Variants in TMEM50B observed in about 807,000 individuals in gnomAD.
TMEM50B encodes the protein transmembrane protein 50B, also known as HCV p7-trans-regulated protein 3.
In TMEM50B, 14 loss-of-function variants were observed where a neutral mutation model predicts 23.4. The ratio of observed to expected loss-of-function variants is 0.60; its 90% CI spans 0.39 to 0.93. TMEM50B has a LOEUF of 0.93. Among genes scored for constraint, TMEM50B ranks in the 40% least tolerant of loss-of-function variants. The pLI is 0.00. For synonymous variants in TMEM50B, 64 were observed against 62.3 expected (o/e 1.03, Z -0.13); for missense variants, 159 against 193.0 (o/e 0.82, Z 1.04).
intron 6 of TMEM50B, among the ~76,000 whole-genome samples, chr21:33,454,862 A>C (rs1032662102): frequency 1.3e-5 from 2 of 152,126 alleles, no homozygotes; most frequent in Admixed American, 1.3e-4. Context: ...GGTGGCTATA[A>C]TCCCAGCACT....
chr21:33,468,936 G>C lies in TMEM50B; in HGVS notation c.-41-10C>G. The C allele has an allele frequency of 2.1e-6, 3 of 1,414,120 alleles. No homozygotes were observed. Among genetic ancestry groups the C allele is most frequent in the Non-Finnish European group, 3.0e-6 (3 of 1,012,064 alleles). 87.6% of individuals were successfully genotyped at this position (1,414,120 alleles called of 1,614,324 possible). On this transcript the variant is annotated splice_polypyrimidine_tract_variant and intron_variant, in intron 1 of 6. Coordinates refer to ENST00000542230, the MANE Select transcript of TMEM50B (RefSeq NM_006134.7). ...CATTAAATGCTGTATCCTACAAACA[G>C]AAAGACAAAAACTAATCAACCTAAG...
At position 33,449,341 on chromosome 21, in the gene TMEM50B, C is replaced by T. The variant is rs869051478; in HGVS notation, c.*1477G>A. ...ATACTCTGTGCACAAGAAATCCTCT[C>T]AAGAGAGAGGAGAGGAGTGATGCCA... is the stretch of plus-strand genomic sequence containing the variant. On this transcript the variant is annotated 3_prime_UTR_variant, in exon 7 of 7. Coordinates refer to ENST00000542230, the MANE Select transcript of TMEM50B (RefSeq NM_006134.7). 1 of 152,578 alleles carries T rather than the reference C, an allele frequency of 6.6e-6. No homozygotes were observed. Among genetic ancestry groups the T allele is most frequent in the African/African-American group, 2.4e-5 (1 of 41,564 alleles). 9.5% of individuals were successfully genotyped at this position (152,578 alleles called of 1,614,324 possible).
At chr21:33,476,674 T>C (rs367566924) in intron 1 of TMEM50B, among the ~76,000 whole-genome samples, 2 of 136,994 alleles carry the variant, frequency 1.5e-5, no homozygotes, top group East Asian at 4.7e-4. Flanking sequence ...GGCAGGAGAA[T>C]GGTGTGAACC....
At chr21:33,479,304 A>G (rs1160926348) in intron 1 of TMEM50B, 1 of 153,698 alleles carries the variant, frequency 6.5e-6, no homozygotes, top group Non-Finnish European at 1.4e-5. Flanking sequence ...CCGCCTCTGT[A>G]CTTGACTCTC....
At chr21:33,446,737 G>A (rs993457130), downstream of TMEM50B, among the ~76,000 whole-genome samples, 4 of 150,200 alleles carry the variant, frequency 2.7e-5, no homozygotes, top group Admixed American at 2.7e-4. Flanking sequence ...AGCCTAGTGT[G>A]GTGATTTGCA....
Position 33,449,196 on chromosome 21 carries a change from T to C in TMEM50B, c.*1622A>G, listed in dbSNP as rs879464523. On this transcript the variant is annotated 3_prime_UTR_variant, in exon 7 of 7. Coordinates refer to ENST00000542230, the MANE Select transcript of TMEM50B (RefSeq NM_006134.7). ...TTATGAGGTGGAAACAAATAATTAG[T>C]CTTACAATTTGCTAGAAGCATGACA... 12 of 152,174 alleles carry C rather than the reference T, an allele frequency of 7.9e-5. No homozygotes were observed. The highest frequency in any genetic ancestry group is 1.6e-4 in the Non-Finnish European group (11 of 68,040). The allele number at this position is 152,174 out of a possible 1,614,324, so 9.4% of individuals were successfully genotyped here.
At chr21:33,441,238 A>G (rs1195195415) in intron 7 of TMEM50B, among the ~76,000 whole-genome samples, 1 of 152,140 alleles carries the variant, frequency 6.6e-6, no homozygotes, top group East Asian at 1.9e-4. Flanking sequence ...TCAAAAAAAA[A>G]AAGGACTTCT....
intron 7 of TMEM50B, among the ~76,000 whole-genome samples, chr21:33,439,811 CCT>C (rs2083992647): frequency 3.4e-4 from 52 of 151,872 alleles, no homozygotes; most frequent in Non-Finnish European, 2.4e-4. Flanking sequence ...ACTTTGAGAC[CCT>C]GAGGTGGGTG....
chr21:33,446,667 AAAAAAAAAAAAC>A (rs2084060887), downstream of TMEM50B, among the ~76,000 whole-genome samples: 1 of 147,994 alleles, frequency 6.8e-6, no homozygotes, highest in African/African-American at 2.5e-5. Context: ...AAAAAAAAAA[AAAAAAAAAAAAC>A]CTCTAAGAAA....
At chr21:33,464,800 G>A (rs1485409985) in intron 4 of TMEM50B, among the ~76,000 whole-genome samples, 5 of 43,990 alleles carry the variant, frequency 1.1e-4, no homozygotes, top group Admixed American at 3.2e-4. Flanking sequence ...GCTAAACTCC[G>A]TCTCAAAAAA....
chr21:33,475,182 T>C (rs1424278707), intron 1 of TMEM50B, among the ~76,000 whole-genome samples: 1 of 152,058 alleles, frequency 6.6e-6, no homozygotes, highest in Non-Finnish European at 1.5e-5. Flanking sequence ...TGTCTCAGCC[T>C]CCCAAGATGC....
In TMEM50B at chr21:33,432,739, C is replaced by T. The variant is rs1312226333; in HGVS notation, c.*2184G>A. The T allele has an allele frequency of 5.0e-6, 8 of 1,614,110 alleles. No individual in the cohort carries two copies. In the South Asian group the frequency reaches 6.6e-5, roughly 13 times the overall value. ...CCTCCACTGAGCTTCAGCAAGTCAT[C>T]CTGATCTCCGTGGGAACATTTTCGT... is the stretch of plus-strand genomic sequence containing the variant. On this transcript the variant is annotated 3_prime_UTR_variant and NMD_transcript_variant, in exon 9 of 9. Transcript: ENST00000420455.
chr21:33,466,275 C>T (rs1250460521), intron 3 of TMEM50B, among the ~76,000 whole-genome samples: 1 of 152,016 alleles, frequency 6.6e-6, no homozygotes, highest in Admixed American at 6.6e-5. Flanking sequence ...ACAAAAAAAC[C>T]TCCTGATGGT....
intron 5 of TMEM50B, among the ~76,000 whole-genome samples, chr21:33,459,447 C>G (rs1239810674): frequency 6.6e-6 from 1 of 152,098 alleles, no homozygotes; most frequent in African/African-American, 2.4e-5. Flanking sequence ...GGGTGGATCA[C>G]TTGAGGTCAG....
At chr21:33,453,797 T>C (rs1047677291) in intron 6 of TMEM50B, among the ~76,000 whole-genome samples, 6 of 151,958 alleles carry the variant, frequency 3.9e-5, no homozygotes, top group African/African-American at 1.2e-4. Flanking sequence ...ATATCCTATG[T>C]TGACATTAAA....
At chr21:33,460,667 T>TA (rs61466059) in intron 4 of TMEM50B, among the ~76,000 whole-genome samples, 162 bp from the exon 5 acceptor site, 86,413 of 148,348 alleles carry the variant, frequency 0.58, 26,865 homozygotes, top group East Asian at 0.83. Flanking sequence ...AATGATGATT[T>TA]AAAAAAAAAA....
intron 5 of TMEM50B, among the ~76,000 whole-genome samples, chr21:33,456,851 T>C (rs955819848): frequency 6.6e-6 from 1 of 152,216 alleles, no homozygotes; most frequent in African/African-American, 2.4e-5. Context: ...ATATAAAAGT[T>C]AGCTATTACT....
At chr21:33,457,206 A>C (rs2084176839) in intron 5 of TMEM50B, among the ~76,000 whole-genome samples, 2 of 152,054 alleles carry the variant, frequency 1.3e-5, no homozygotes, top group Admixed American at 1.3e-4. Flanking sequence ...GTGGGCCAAG[A>C]CTATACCACT....
chr21:33,452,412 G>C (rs1026791578), intron 6 of TMEM50B, among the ~76,000 whole-genome samples: 16 of 152,166 alleles, frequency 1.1e-4, no homozygotes, highest in Non-Finnish European at 1.8e-4. Context: ...GAGTACTGAA[G>C]AGTCTATACA....
Sources: allele counts gnomAD v4.1 joint callset (sites outside exome capture counted in the v4.1 genomes callset), GRCh38; gene constraint gnomAD v4.1.1; transcripts MANE v1.5; gene names NCBI Gene and HGNC (gene_info 2026-07-23, HGNC 2026-07-21).